The following PROM1 variants were observed in gnomAD, a reference collection of about 807,000 sequenced individuals.
The protein encoded by PROM1 is prominin-1.
PROM1 carries 105 observed loss-of-function variants against 116.9 expected under a neutral mutation model. The ratio of observed to expected loss-of-function variants is 0.90; its 90% CI spans 0.77 to 1.06. PROM1 has a LOEUF of 1.06. Ranked by LOEUF, PROM1 falls within the 50% of genes least tolerant of loss-of-function variation. The probability of loss-of-function intolerance (pLI) is 0.00; values close to 1 mark genes in which losing one functional copy is unlikely to be tolerated. For missense variants in PROM1, 1,122 were observed against 1,045.2 expected, an observed-to-expected ratio of 1.07 and a Z score of -1.01; for synonymous variants, 393 against 387.0, an observed-to-expected ratio of 1.02 and a Z score of -0.18.
chr4:16,039,102 A>C, intron 2 of PROM1, 101 bp from the exon 3 acceptor site: 1 of 930,636 alleles, frequency 1.1e-6, no homozygotes, highest in Non-Finnish European at 1.4e-6. Flanking sequence ...TATTATACCT[A>C]TATTTCTATT....
chr4:16,054,946 A>G (rs905177434), intron 2 of PROM1, among the ~76,000 whole-genome samples: 2 of 152,112 alleles, frequency 1.3e-5, no homozygotes, highest in African/African-American at 2.4e-5. Flanking sequence ...CTCATAACTC[A>G]CTTGTGACAT....
chr4:16,078,086 G>T (rs145918137), intron 1 of PROM1: 1 of 152,222 alleles, frequency 6.6e-6, no homozygotes, highest in East Asian at 1.9e-4. Flanking sequence ...AGGGCAGAGG[G>T]AGACTCTTAC....
At position 16,075,908 on chromosome 4, in the gene PROM1, G is replaced by A. The variant is rs1459075910; in HGVS notation, c.-2C>T. Reference sequence around the variant, plus strand: ...CAGGGAGCCGAGTACGAGGGCCATAGCTAGCAAGATCCTCCAAACATGAGG... The same window carrying A: ...CAGGGAGCCGAGTACGAGGGCCATAACTAGCAAGATCCTCCAAACATGAGG... On this transcript the variant is annotated 5_prime_UTR_variant, in exon 2 of 28. Transcript: ENST00000447510. 1 of 1,604,736 alleles carries A rather than the reference G, an allele frequency of 6.2e-7. No homozygotes were observed. The highest frequency in any genetic ancestry group is 1.7e-5 in the Admixed American group (1 of 59,276).
chr4:15,985,804 T>G lies in PROM1; in HGVS notation c.2236A>C (p.Ile746Leu), dbSNP rs370133548. Residue 746 changes from isoleucine to leucine, a missense_variant, in exon 22 of 28, where the codon ATA becomes CTA. Ile to Leu is a conservative substitution (Grantham distance 5, BLOSUM62 2). Transcript: ENST00000447510. ...AGATAATGTTCAAAATATCCTATTA[T>G]TGTTCTCCCATACTTCTTAGTTTCC... ...IEETKKYGRT[I>L]IGYFEHYLQW... The G allele has an allele frequency of 5.2e-5, 67 of 1,290,962 alleles. No homozygotes were observed. The highest frequency in any genetic ancestry group is 6.7e-5 in the Non-Finnish European group (66 of 981,286). The allele number at this position is 1,290,962 out of a possible 1,614,324, so 80.0% of individuals were successfully genotyped here. A position where few individuals can be genotyped will look rare whatever the true frequency, so the allele number is the denominator to read the frequency against.
chr4:15,987,773 A>ACCTTG, intron 19 of PROM1, 57 bp from the exon 20 acceptor site: 1 of 1,420,492 alleles, frequency 7.0e-7, no homozygotes, highest in South Asian at 1.2e-5. Flanking sequence ...AAGATCACAT[A>ACCTTG]CCTTGTGTCC....
intron 2 of PROM1, among the ~76,000 whole-genome samples, chr4:16,064,755 T>G (rs1741121581): frequency 6.6e-6 from 1 of 151,992 alleles, no homozygotes; most frequent in African/African-American, 2.4e-5. Context: ...TATCCAGGCA[T>G]GGTGGCGGGC....
intron 18 of PROM1, among the ~76,000 whole-genome samples, chr4:15,990,423 G>A (rs1039093293): frequency 6.6e-6 from 1 of 152,148 alleles, no homozygotes; most frequent in African/African-American, 2.4e-5. Flanking sequence ...ATGGGGCTGG[G>A]GTGGTACCTC....
At chr4:15,998,009 T>C (rs1722755196) in intron 15 of PROM1, among the ~76,000 whole-genome samples, 1 of 152,224 alleles carries the variant, frequency 6.6e-6, no homozygotes, top group African/African-American at 2.4e-5. Flanking sequence ...GCCTTCCCCC[T>C]ATCAGTGATC....
At chr4:15,989,941 T>C in intron 18 of PROM1, 117 bp from the exon 19 acceptor site, 1 of 752,654 alleles carries the variant, frequency 1.3e-6, no homozygotes, top group South Asian at 1.7e-5. Context: ...CATGCAATGA[T>C]GGCTGTGAGT....
At chr4:16,023,820 T>C (rs1404517649) in intron 7 of PROM1, among the ~76,000 whole-genome samples, 2 of 152,166 alleles carry the variant, frequency 1.3e-5, no homozygotes, top group African/African-American at 2.4e-5. Context: ...CTTCACCTCA[T>C]TGTGACAACC....
intron 5 of PROM1, 105 bp from the exon 6 acceptor site, chr4:16,025,417 G>A (rs1309065799): frequency 2.8e-6 from 4 of 1,416,852 alleles, no homozygotes; most frequent in Admixed American, 3.9e-5. Context: ...CCCGCAGAAG[G>A]ACTGGCCTTT....
rs1733173784 is a variant in PROM1, at chr4:16,033,323, CCAA to C, written c.487_489del (p.Leu163del). On this transcript the variant is annotated inframe_deletion, in exon 5 of 28. Transcript: ENST00000447510. ...ACTTGCCTTATTATTATACAAATCA[CCAA>C]CAGGGAGATTGCAAAGCATTTCCTC... is the stretch of plus-strand genomic sequence containing the variant. 6.2e-7 allele frequency: 1 copy of C among 1,613,244 alleles called. No homozygotes were observed.
chr4:15,990,778 A>G (rs1383979465), intron 18 of PROM1, among the ~76,000 whole-genome samples: 2 of 152,154 alleles, frequency 1.3e-5, no homozygotes, highest in East Asian at 3.9e-4. Flanking sequence ...ACAGCTAACC[A>G]TTGCCATGGC....
At position 16,024,316 on chromosome 4, in the gene PROM1, T is replaced by C; in HGVS notation, c.673A>G (p.Lys225Glu). ...ILAQYNTTKD[K>E]AFTDLNSINS... Reference sequence around the variant, plus strand: ...TCACTGTTCAGATCTGTGAACGCCTTGTCCTTGGTAGTGTTGTACTGGGCC... The same window carrying C: ...TCACTGTTCAGATCTGTGAACGCCTCGTCCTTGGTAGTGTTGTACTGGGCC... The change falls in exon 7 of 28, where the codon AAG (lysine) becomes GAG (glutamate). Residue 225 changes from lysine (K) to glutamate (E), a missense_variant. By Grantham distance (56) the Lys-to-Glu change is moderately conservative. Coordinates refer to ENST00000447510, the MANE Select transcript of PROM1 (RefSeq NM_006017.3). 1 of 1,613,724 alleles carries C rather than the reference T, an allele frequency of 6.2e-7. No homozygotes were observed. Among genetic ancestry groups the C allele is most frequent in the Non-Finnish European group, 8.5e-7 (1 of 1,179,718 alleles).
intron 2 of PROM1, among the ~76,000 whole-genome samples, chr4:16,052,726 C>T (rs1738180483): frequency 6.6e-6 from 1 of 152,236 alleles, no homozygotes; most frequent in Non-Finnish European, 1.5e-5. Context: ...AGTGATCCGC[C>T]TACTTCAGCT....
At chr4:16,052,862 T>C (rs1209942201) in intron 2 of PROM1, among the ~76,000 whole-genome samples, 3 of 152,178 alleles carry the variant, frequency 2.0e-5, no homozygotes, top group Non-Finnish European at 4.4e-5. Flanking sequence ...GGATAGTATA[T>C]GGAAAAATCT....
chr4:15,975,175 T>G (rs1045981956), intron 26 of PROM1, among the ~76,000 whole-genome samples: 1 of 152,208 alleles, frequency 6.6e-6, no homozygotes, highest in African/African-American at 2.4e-5. Context: ...ATGTTTTGCC[T>G]TGTTACCTCA....
chr4:15,971,263 A>T, intron 26 of PROM1, 181 bp from the exon 27 acceptor site: 2 of 555,722 alleles, frequency 3.6e-6, no homozygotes, highest in Non-Finnish European at 6.4e-6. Flanking sequence ...TTCTGTTTGT[A>T]TTGCTTTTAA....
rs141630022 is a variant in PROM1, at chr4:15,970,558, G to GTA, written c.*24+483_*24+484dup. 3.0e-3 allele frequency among the ~76,000 whole-genome samples: 449 copies of GTA among 150,098 alleles called. 3 individuals are homozygous for GTA. Among genetic ancestry groups the GTA allele is most frequent in the African/African-American group, 7.0e-3 (286 of 40,936 alleles). On this transcript the variant is annotated intron_variant, in intron 27 of 27. Coordinates refer to ENST00000447510, the MANE Select transcript of PROM1 (RefSeq NM_006017.3). The stretch of plus-strand genomic sequence containing the variant: ...ACACCCACATACTCACTGTGTGTGT[G>GTA]TATATATATATATAAATACACACAC...
Sources: allele counts gnomAD v4.1 joint callset (sites outside exome capture counted in the v4.1 genomes callset), GRCh38; gene constraint gnomAD v4.1.1; transcripts MANE v1.5; gene names NCBI Gene and HGNC (gene_info 2026-07-23, HGNC 2026-07-21).